Variants in CNTN4 observed in about 807,000 individuals in gnomAD.
CNTN4 encodes contactin 4.
In CNTN4, 77 loss-of-function variants were observed where a neutral mutation model predicts 122.5. That is an observed-to-expected ratio of 0.63 (90% CI 0.52 to 0.76). The LOEUF is 0.76. Among genes scored for constraint, CNTN4 ranks in the 30% least tolerant of loss-of-function variants. The pLI is 0.00. For missense variants in CNTN4, 1,256 were observed against 1,259.1 expected, an observed-to-expected ratio of 1.00 and a Z score of 0.04; for synonymous variants, 512 against 447.0, an observed-to-expected ratio of 1.15 and a Z score of -1.83.
At chr3:2,978,944 G>A (rs1412929256) in intron 13 of CNTN4, among the ~76,000 whole-genome samples, 1 of 134,192 alleles carries the variant, frequency 7.5e-6, no homozygotes, top group Non-Finnish European at 1.5e-5. Context: ...TAAAGAAAGC[G>A]ATTTATTCCA....
intron 2 of CNTN4, among the ~76,000 whole-genome samples, chr3:2,218,894 T>G (rs1323516287): frequency 2.0e-5 from 3 of 152,296 alleles, no homozygotes; most frequent in South Asian, 4.1e-4. Flanking sequence ...TCATCTTCCT[T>G]TCTATATTTA....
chr3:2,340,711 A>AGAGAGAGAGGGAGAGGGAGAGG (rs2044172109), intron 3 of CNTN4, among the ~76,000 whole-genome samples: 3 of 49,454 alleles, frequency 6.1e-5, no homozygotes, highest in African/African-American at 2.1e-4. Flanking sequence ...ATATATATAT[A>AGAGAGAGAGGGAGAGGGAGAGG]GAGAGAGAGA....
intron 3 of CNTN4, among the ~76,000 whole-genome samples, chr3:2,474,243 C>G (rs2075775962): frequency 6.6e-6 from 1 of 152,032 alleles, no homozygotes; most frequent in Admixed American, 6.6e-5. Flanking sequence ...TAGTCTCTAC[C>G]CTCCACCAAA....
At chr3:2,996,898 C>A (rs927953975) in intron 14 of CNTN4, among the ~76,000 whole-genome samples, 1 of 152,186 alleles carries the variant, frequency 6.6e-6, no homozygotes, top group Admixed American at 6.6e-5. Context: ...GCTACCACTT[C>A]TGAACTCATC....
chr3:2,853,320 C>T (rs1293652098), intron 7 of CNTN4, among the ~76,000 whole-genome samples: 1 of 152,146 alleles, frequency 6.6e-6, no homozygotes, highest in Non-Finnish European at 1.5e-5. Flanking sequence ...TCTCGGCTCA[C>T]TGCAAGCTCC....
intron 3 of CNTN4, among the ~76,000 whole-genome samples, chr3:2,570,058 G>C (rs1576033997): frequency 6.6e-6 from 1 of 152,028 alleles, no homozygotes; most frequent in Admixed American, 6.6e-5. Flanking sequence ...AGGATGGGTG[G>C]GAGAAGGGAT....
At position 2,894,621 on chromosome 3, in the gene CNTN4, G is replaced by A. The variant is rs570396184; in HGVS notation, c.941-6064G>A. On this transcript the variant is annotated intron_variant, in intron 10 of 24. Transcript: ENST00000418658. Reference sequence around the variant, plus strand: ...GGTTGCATTTGGGACTGAACTCAAGGTGTATAAGGGAAAGAGAAGGGGATG... The same window carrying A: ...GGTTGCATTTGGGACTGAACTCAAGATGTATAAGGGAAAGAGAAGGGGATG... Among the ~76,000 whole-genome samples, 136 of 152,222 alleles carry A rather than the reference G, an allele frequency of 8.9e-4. 1 individual carries two copies. The highest frequency in any genetic ancestry group is 1.5e-3 in the Non-Finnish European group (100 of 68,016).
intron 2 of CNTN4, among the ~76,000 whole-genome samples, chr3:2,330,744 T>A (rs1195135337): frequency 2.6e-5 from 4 of 152,158 alleles, no homozygotes; most frequent in Non-Finnish European, 4.4e-5. Flanking sequence ...TCTTAGAGTA[T>A]ATGAAATTAT....
At chr3:2,161,704 G>C (rs532495866) in intron 2 of CNTN4, among the ~76,000 whole-genome samples, 51 of 152,304 alleles carry the variant, frequency 3.3e-4, no homozygotes, top group African/African-American at 8.7e-4. Flanking sequence ...CGCTAAGTAC[G>C]ATGAGGACAG....
At chr3:2,281,030 G>A (rs1441701547) in intron 2 of CNTN4, among the ~76,000 whole-genome samples, 2 of 152,154 alleles carry the variant, frequency 1.3e-5, no homozygotes, top group African/African-American at 2.4e-5. Context: ...ACGCTGATGG[G>A]ATGAAACAGA....
chr3:2,664,978 G>A (rs2084078606), intron 4 of CNTN4, among the ~76,000 whole-genome samples: 1 of 152,128 alleles, frequency 6.6e-6, no homozygotes, highest in African/African-American at 2.4e-5. Context: ...CTTCTGGGGA[G>A]GTTTTCCTCT....
At chr3:2,962,410 T>C (rs2094870510) in intron 13 of CNTN4, among the ~76,000 whole-genome samples, 1 of 152,224 alleles carries the variant, frequency 6.6e-6, no homozygotes, top group Non-Finnish European at 1.5e-5. Context: ...TGTGTCAGCA[T>C]TCTTGGGTTG....
intron 7 of CNTN4, among the ~76,000 whole-genome samples, chr3:2,854,236 T>A (rs1237507120): frequency 6.7e-6 from 1 of 150,334 alleles, no homozygotes; most frequent in Non-Finnish European, 1.5e-5. Context: ...TGGGCCATAA[T>A]GAAAACTGGC....
chr3:2,965,771 C>T (rs981787472), intron 13 of CNTN4, among the ~76,000 whole-genome samples: 3 of 152,156 alleles, frequency 2.0e-5, no homozygotes, highest in Admixed American at 6.5e-5. Flanking sequence ...CCACCAGCCC[C>T]GCTTTCTGCC....
At chr3:2,394,538 C>T (rs938625593) in intron 3 of CNTN4, among the ~76,000 whole-genome samples, 1 of 152,128 alleles carries the variant, frequency 6.6e-6, no homozygotes. Context: ...TATATATCCA[C>T]TGAAATGGCT....
At chr3:2,196,324 G>C (rs1484151498) in intron 2 of CNTN4, among the ~76,000 whole-genome samples, 1 of 152,164 alleles carries the variant, frequency 6.6e-6, no homozygotes, top group African/African-American at 2.4e-5. Context: ...TTACTTTTCT[G>C]TGAACCCTAC....
chr3:2,450,367 A>AAAATAAATAAATAAAT (rs56349378), intron 3 of CNTN4, among the ~76,000 whole-genome samples: 247 of 148,520 alleles, frequency 1.7e-3, no homozygotes, highest in Middle Eastern at 3.4e-3. Flanking sequence ...ACTCTGTCTC[A>AAAATAAATAAATAAAT]AAATAAATAA....
chr3:2,869,242 G>A (rs2093758303), intron 8 of CNTN4, among the ~76,000 whole-genome samples: 2 of 151,946 alleles, frequency 1.3e-5, no homozygotes, highest in South Asian at 2.1e-4. Context: ...TGTGGAAAAC[G>A]GACTTTCAGA....
intron 4 of CNTN4, among the ~76,000 whole-genome samples, chr3:2,611,730 A>G (rs901453937): frequency 1.2e-4 from 19 of 152,170 alleles, no homozygotes; most frequent in African/African-American, 4.1e-4. Context: ...TGAGAACAAC[A>G]AATTTTAAAG....
Sources: allele counts gnomAD v4.1 joint callset (sites outside exome capture counted in the v4.1 genomes callset), GRCh38; gene constraint gnomAD v4.1.1; transcripts MANE v1.5; gene names NCBI Gene and HGNC (gene_info 2026-07-23, HGNC 2026-07-21).